MAST1: variants seen among roughly 807,000 people sequenced by gnomAD.
The protein encoded by MAST1 is microtubule associated serine/threonine kinase 1, also known as microtubule-associated serine/threonine-protein kinase 1.
MAST1 carries 40 observed loss-of-function variants against 124.6 expected under a neutral mutation model. The ratio of observed to expected loss-of-function variants is 0.32; its 90% CI spans 0.25 to 0.42. MAST1 has a LOEUF of 0.42. MAST1 is among the 10% of genes least tolerant of loss of function. The pLI is 1.00. For synonymous variants in MAST1, 938 were observed against 939.4 expected (o/e 1.00, Z 0.03); for missense variants, 1,558 against 2,181.9 (o/e 0.71, Z 5.70).
intron 10 of MAST1, among the ~76,000 whole-genome samples, chr19:12,856,227 G>GA (rs1175437290): frequency 6.7e-6 from 1 of 148,546 alleles, no homozygotes; most frequent in Non-Finnish European, 1.5e-5. Context: ...GATATACAGT[G>GA]AAAAAAATCT....
chr19:12,866,102 A>G lies in MAST1; in HGVS notation c.2029A>G (p.Thr677Ala). 6.2e-7 allele frequency: 1 copy of G among 1,613,914 alleles called. No individual in the cohort carries two copies. Among genetic ancestry groups the G allele is most frequent in the Non-Finnish European group, 8.5e-7 (1 of 1,180,014 alleles). ...GGAAGATGACACTAGCTACTTTGAC[A>G]GTGAGCTGGGACACCAGGCACGACC... ...ESEDDTSYFD[T>A]RSDRYHHVNS... is the part of the protein sequence containing the mutation. The change falls in exon 17 of 26, where the codon ACC becomes GCC. Residue 677 changes from threonine (T) to alanine (A), a missense_variant and splice_region_variant. Physicochemically the swap from Thr to Ala is moderately conservative, Grantham distance 58. Coordinates refer to ENST00000251472, the MANE Select transcript of MAST1 (RefSeq NM_014975.3). The surrounding 1 kb of genome is among the most constrained non-coding windows in gnomAD (Gnocchi z 5.2).
At position 12,867,715 on chromosome 19, in the gene MAST1, G is replaced by GC. The variant is rs765550856; in HGVS notation, c.2319-10dup. ...AAGGGGGCGTGTCTTCCATAACCAC[G>GC]CCCCCTCCATGCAGCAAGCGATTCT... On this transcript the variant is annotated splice_polypyrimidine_tract_variant and intron_variant, in intron 19 of 25. Transcript: ENST00000251472. The GC allele has an allele frequency of 2.2e-5, 33 of 1,532,174 alleles. No individual in the cohort carries two copies. The highest frequency in any genetic ancestry group is 2.9e-5 in the Non-Finnish European group (33 of 1,140,258). 94.9% of individuals were successfully genotyped at this position (1,532,174 alleles called of 1,614,324 possible). A position where few individuals can be genotyped will look rare whatever the true frequency, so the allele number is the denominator to read the frequency against.
intron 12 of MAST1, among the ~76,000 whole-genome samples, chr19:12,864,168 C>A (rs1015260988): frequency 1.3e-5 from 2 of 152,006 alleles, no homozygotes; most frequent in African/African-American, 2.4e-5. Flanking sequence ...CTCAAGTGAT[C>A]CACCCGCCTT....
chr19:12,845,652 AT>A (rs1219927144), intron 4 of MAST1, among the ~76,000 whole-genome samples: 1,567 of 130,270 alleles, frequency 0.012, 12 homozygotes, highest in South Asian at 0.045. Context: ...TGACCCAGCA[AT>A]TTTTTTTTTT....
chr19:12,858,006 C>CAAAAAAAAAAAAAAAAAAAAAA (rs539497049), intron 10 of MAST1, among the ~76,000 whole-genome samples: 2 of 49,420 alleles, frequency 4.0e-5, no homozygotes, highest in African/African-American at 1.1e-4. Flanking sequence ...GAACCTATCT[C>CAAAAAAAAAAAAAAAAAAAAAA]AAAAAAAAAA....
chr19:12,856,635 A>G (rs1329272471), intron 10 of MAST1, among the ~76,000 whole-genome samples: 1 of 152,118 alleles, frequency 6.6e-6, no homozygotes, highest in East Asian at 1.9e-4. Flanking sequence ...ATAAACGTAC[A>G]ATACATATTG....
At chr19:12,850,880 G>A (rs747011285) in intron 7 of MAST1, among the ~76,000 whole-genome samples, 1 of 151,686 alleles carries the variant, frequency 6.6e-6, no homozygotes, top group Non-Finnish European at 1.5e-5. Context: ...TTGATATTTT[G>A]GCTTATGATA....
chr19:12,867,551 G>A lies in MAST1; in HGVS notation c.2217G>A (p.Glu739=). 6.2e-7 allele frequency: 1 copy of A among 1,613,746 alleles called. No individual in the cohort carries two copies. The change falls in exon 19 of 26, where the codon GAG becomes GAA. Residue 739 remains glutamate (E), a synonymous_variant. Transcript: ENST00000251472. ...PVAAAGSSKR[E]PSTKGPEEKV... is the part of the protein sequence containing the mutation. ...CAGCTGCAGGGAGCAGCAAGCGGGA[G>A]CCGAGCACCAAGGGCCCCGAGGAGA...
rs1970274670 is a variant in MAST1 at position 12,873,937 on chromosome 19, C to T, written c.3780C>T (p.Leu1260=). The T allele has an allele frequency of 6.3e-7, 1 of 1,592,978 alleles. No homozygotes were observed. The highest frequency in any genetic ancestry group is 1.1e-5 in the South Asian group (1 of 89,754). ...GTGCCGAGCCCCCTCGCTCGCCGCT[C>T]CTCAAGCGCGTGCAGTCGGCCGAGA... ...PKSAEPPRSP[L]LKRVQSAEKL... The change falls in exon 26 of 26, where the codon CTC becomes CTT. Residue 1260 remains leucine (L), a synonymous_variant. Transcript: ENST00000251472.
chr19:12,865,178 G>GGT lies in MAST1; in HGVS notation c.1638+8_1638+9dup. The GGT allele has an allele frequency of 6.2e-7, 1 of 1,613,838 alleles. No homozygotes were observed. Among genetic ancestry groups the GGT allele is most frequent in the East Asian group, 2.2e-5 (1 of 44,880 alleles). ...ACGCCCGAGAGTTCCTGGACAAACA[G>GGT]GTGTGTGTGCGGGCATGGGGGTCGC... On this transcript the variant is annotated frameshift_variant and splice_region_variant. Transcript: ENST00000251472. LOFTEE classifies it high-confidence loss of function. This position sits in a 1 kb window ranked among gnomAD's most constrained non-coding sequence, Gnocchi z 7.1.
At chr19:12,853,920 TAATA>T (rs1377784975) in intron 10 of MAST1, among the ~76,000 whole-genome samples, 9 of 149,536 alleles carry the variant, frequency 6.0e-5, no homozygotes, top group African/African-American at 1.2e-4. Flanking sequence ...TGATTAATAG[TAATA>T]AATAAACAAT....
At chr19:12,855,535 T>C (rs763201341) in intron 10 of MAST1, among the ~76,000 whole-genome samples, 50 of 152,202 alleles carry the variant, frequency 3.3e-4, no homozygotes, top group Non-Finnish European at 4.4e-4. Context: ...TCCTGTGATA[T>C]TGGGTACCTG....
chr19:12,871,150 T>G lies in MAST1; in HGVS notation c.3241T>G (p.Ser1081Ala), dbSNP rs746437683. The G allele has an allele frequency of 9.3e-6, 15 of 1,613,858 alleles. No homozygotes were observed. Among genetic ancestry groups the G allele is most frequent in the Middle Eastern group, 3.3e-4 (2 of 6,056 alleles). Reference sequence around the variant, plus strand: ...AATGGCTCGGAGGAACAAGCGACCCTCCGCCAAGGAGGGCCAGGAGAGGTG... The same window carrying G: ...AATGGCTCGGAGGAACAAGCGACCCGCCGCCAAGGAGGGCCAGGAGAGGTG... ...AKMARRNKRP[S>A]AKEGQESKKR... The change falls in exon 24 of 26, where the codon TCC becomes GCC. Residue 1081 changes from serine (S) to alanine (A), a missense_variant. This residue lies in a region of MAST1 where 291 missense variants were observed against 475.8 expected (regional missense o/e 0.61). Coordinates refer to ENST00000251472, the MANE Select transcript of MAST1 (RefSeq NM_014975.3).
In MAST1 at chr19:12,874,787, A is replaced by C; in HGVS notation, c.4630A>C (p.Thr1544Pro). The C allele has an allele frequency of 6.2e-7, 1 of 1,602,500 alleles. No homozygotes were observed. Among genetic ancestry groups the C allele is most frequent in the South Asian group, 1.1e-5 (1 of 90,250 alleles). ...AGGCACCAAGCCTCAAGTGGGGCTG[A>C]CCTCCCGGTGCCCTGCTGAAGCTGT... ...GSGTKPQVGLTSRCPAEAVPP... is the reference protein window; with the variant it reads ...GSGTKPQVGLPSRCPAEAVPP... Residue 1544 changes from threonine to proline, a missense_variant, in exon 26 of 26, where the codon ACC becomes CCC. Transcript: ENST00000251472. The surrounding 1 kb of genome is among the most constrained non-coding windows in gnomAD (Gnocchi z 6.6).
intron 22 of MAST1, among the ~76,000 whole-genome samples, chr19:12,870,287 A>G (rs2145912357): frequency 6.6e-6 from 1 of 150,826 alleles, no homozygotes; most frequent in Non-Finnish European, 1.5e-5. Context: ...TAGGAGTTTG[A>G]GATCAGCCTG....
chr19:12,869,442 C>T (rs1970203639), intron 22 of MAST1, 147 bp downstream of exon 22: 1 of 677,276 alleles, frequency 1.5e-6, no homozygotes, highest in Non-Finnish European at 2.5e-6. Context: ...TTTTCTTTTA[C>T]TTTTTTATTT....
rs996140381 is a variant in MAST1, at chr19:12,866,293, T to C, written c.2029+191T>C. Among the ~76,000 whole-genome samples, 1 of 151,802 alleles carries C rather than the reference T, an allele frequency of 6.6e-6. No homozygotes were observed. Among genetic ancestry groups the C allele is most frequent in the Non-Finnish European group, 1.5e-5 (1 of 67,922 alleles). ...CATACAGGCGGGGCTCAGGCTGAAA[T>C]GTAGGTAAGAACCTGAGATTGGGCT... On this transcript the variant is annotated intron_variant, in intron 17 of 25. Coordinates refer to ENST00000251472, the MANE Select transcript of MAST1 (RefSeq NM_014975.3). The surrounding 1 kb of genome is among the most constrained non-coding windows in gnomAD (Gnocchi z 5.2).
Position 12,847,675 on chromosome 19 carries a change from G to A in MAST1, c.552G>A (p.Glu184=). 6.2e-7 allele frequency: 1 copy of A among 1,613,968 alleles called. No individual in the cohort carries two copies. Among genetic ancestry groups the A allele is most frequent in the Non-Finnish European group, 8.5e-7 (1 of 1,179,960 alleles). Residue 184 remains glutamate (E), a synonymous_variant, in exon 6 of 26, where the codon GAG becomes GAA. Transcript: ENST00000251472. The surrounding 1 kb of genome is among the most constrained non-coding windows in gnomAD (Gnocchi z 5.5). ...EIVMMNHVYK[E]RFPKATAQME... ...TGATGATGAATCACGTCTACAAGGA[G>A]AGGTTCCCGAAGGTGAGGTGGGACC...
chr19:12,846,113 G>T (rs147013133), intron 4 of MAST1, among the ~76,000 whole-genome samples: 55 of 152,284 alleles, frequency 3.6e-4, no homozygotes, highest in African/African-American at 1.2e-3. Context: ...GAGGGGGGAA[G>T]ATTACTTTAG....
Sources: gnomAD v4.1 joint callset for allele counts (sites outside exome capture counted in the v4.1 genomes callset) on GRCh38, gnomAD v4.1.1 for gene constraint, gnomAD v4.1.1 regional missense constraint, Gnocchi (gnomAD v3.1) non-coding constraint, MANE v1.5 for transcripts, NCBI Gene and HGNC (gene_info 2026-07-23, HGNC 2026-07-21) for gene names.